The following RBFOX1 variants were observed in gnomAD, a reference collection of about 807,000 sequenced individuals.
The protein encoded by RBFOX1 is RNA binding protein fox-1 homolog 1.
In RBFOX1, 8 loss-of-function variants were observed where a neutral mutation model predicts 57.7. That is an observed-to-expected ratio of 0.14 (90% confidence interval 0.08 to 0.25). RBFOX1 has a LOEUF of 0.25. Among genes scored for constraint, RBFOX1 ranks in the 10% least tolerant of loss-of-function variants. The pLI is 1.00. For synonymous variants in RBFOX1, 326 were observed against 222.4 expected (o/e 1.47, Z -4.15); for missense variants, 611 against 548.5 (o/e 1.11, Z -1.14).
intron 2 of RBFOX1, among the ~76,000 whole-genome samples, chr16:6,345,137 C>T (rs2085173528): frequency 6.6e-6 from 1 of 152,176 alleles, no homozygotes; most frequent in Non-Finnish European, 1.5e-5. Context: ...TTGTTCTCTC[C>T]TAGGTAGACT....
At chr16:6,871,268 C>G (rs544115157) in intron 3 of RBFOX1, among the ~76,000 whole-genome samples, 3 of 152,154 alleles carry the variant, frequency 2.0e-5, no homozygotes, top group Admixed American at 6.5e-5. Flanking sequence ...TCACTCTAAC[C>G]TCCCCCTCCT....
chr16:5,389,060 A>G (rs9935179), intron 1 of RBFOX1, among the ~76,000 whole-genome samples: 93,942 of 150,558 alleles, frequency 0.62, 30,988 homozygotes, highest in African/African-American at 0.84. Flanking sequence ...GCGTGGTGGC[A>G]GGCCCCTGTA....
At chr16:6,575,772 G>A (rs12444800) in intron 2 of RBFOX1, among the ~76,000 whole-genome samples, 2 of 151,076 alleles carry the variant, frequency 1.3e-5, no homozygotes, top group Non-Finnish European at 2.9e-5. Context: ...CAGGAGAATC[G>A]CTTGAACCCA....
intron 3 of RBFOX1, among the ~76,000 whole-genome samples, chr16:5,748,273 C>T (rs539317612): frequency 6.6e-6 from 1 of 152,136 alleles, no homozygotes; most frequent in Non-Finnish European, 1.5e-5. Context: ...TTTACATTTG[C>T]TGAGGAGTGC....
intron 2 of RBFOX1, among the ~76,000 whole-genome samples, chr16:5,526,637 A>G (rs12443882): frequency 0.36 from 55,299 of 151,594 alleles, 11,511 homozygotes; most frequent in East Asian, 0.85. Context: ...TTTCCCAAGG[A>G]CACACAAGCA....
intron 2 of RBFOX1, among the ~76,000 whole-genome samples, chr16:6,569,381 C>G (rs937600710): frequency 6.6e-6 from 1 of 152,148 alleles, no homozygotes; most frequent in Non-Finnish European, 1.5e-5. Context: ...TCATGTGATG[C>G]TCATACCAGA....
At chr16:6,133,840 C>G (rs903978088) in intron 1 of RBFOX1, among the ~76,000 whole-genome samples, 1 of 152,198 alleles carries the variant, frequency 6.6e-6, no homozygotes, top group Non-Finnish European at 1.5e-5. Flanking sequence ...AGTACACACA[C>G]ACACACGTTT....
At chr16:5,514,218 C>T (rs2043707320) in intron 2 of RBFOX1, among the ~76,000 whole-genome samples, 1 of 152,148 alleles carries the variant, frequency 6.6e-6, no homozygotes, top group Non-Finnish European at 1.5e-5. Flanking sequence ...TCTCGTATGT[C>T]TGAGGGTCTA....
At chr16:7,135,896 A>G (rs189373894) in intron 4 of RBFOX1, among the ~76,000 whole-genome samples, 1 of 152,220 alleles carries the variant, frequency 6.6e-6, no homozygotes, top group Admixed American at 6.5e-5. Context: ...TCTATTTTGC[A>G]TCTGGCACAC....
intron 1 of RBFOX1, among the ~76,000 whole-genome samples, chr16:6,235,550 GTGTA>G (rs1265160695): frequency 2.0e-4 from 19 of 94,110 alleles, no homozygotes; most frequent in South Asian, 5.4e-4. Context: ...GTGTGTGTGC[GTGTA>G]TGTATGTGTG....
chr16:7,622,647 C>A (rs1331400412), intron 10 of RBFOX1, among the ~76,000 whole-genome samples: 1 of 151,580 alleles, frequency 6.6e-6, no homozygotes, highest in Non-Finnish European at 1.5e-5. Context: ...TTATGAAAAC[C>A]AAAGCTTATG....
At chr16:5,295,390 G>A (rs2063641178) in intron 1 of RBFOX1, among the ~76,000 whole-genome samples, 1 of 152,198 alleles carries the variant, frequency 6.6e-6, no homozygotes, top group Admixed American at 6.5e-5. Flanking sequence ...GCTTGAGACA[G>A]CACACAGTTA....
intron 2 of RBFOX1, among the ~76,000 whole-genome samples, chr16:6,488,401 A>C (rs1567408404): frequency 6.6e-6 from 1 of 152,194 alleles, no homozygotes; most frequent in Non-Finnish European, 1.5e-5. Context: ...AACAGCAGTA[A>C]CAATACAATG....
intron 3 of RBFOX1, among the ~76,000 whole-genome samples, chr16:7,022,132 C>T (rs1047089626): frequency 1.4e-5 from 2 of 146,154 alleles, no homozygotes; most frequent in Non-Finnish European, 3.0e-5. Flanking sequence ...GAGCAATCTC[C>T]ACTCACTGCA....
intron 2 of RBFOX1, among the ~76,000 whole-genome samples, chr16:6,361,650 G>C (rs984907622): frequency 6.7e-6 from 1 of 149,680 alleles, no homozygotes; most frequent in Non-Finnish European, 1.5e-5. Context: ...AAAAAATCAT[G>C]GTCAATCATT....
chr16:5,241,682 C>T (rs1214999871), intron 1 of RBFOX1, among the ~76,000 whole-genome samples: 1 of 152,138 alleles, frequency 6.6e-6, no homozygotes, highest in African/African-American at 2.4e-5. Flanking sequence ...AAGGGAAGCT[C>T]GTCCATAGAA....
At chr16:5,606,125 C>T (rs1323588923) in intron 3 of RBFOX1, among the ~76,000 whole-genome samples, 6 of 152,158 alleles carry the variant, frequency 3.9e-5, no homozygotes, top group Non-Finnish European at 8.8e-5. Flanking sequence ...CTCCTCCTTT[C>T]TGACATATTT....
rs146204746 is a variant in RBFOX1, at chr16:6,913,075, A to G, written c.-15-138982A>G. On this transcript the variant is annotated intron_variant, in intron 3 of 15. Transcript: ENST00000550418. ...AAAGAACTTGGAAAGGGCCCCAGGC[A>G]GGAAAACCATTATGGAAGCAACGTC... Among the ~76,000 whole-genome samples the G allele has an allele frequency of 9.9e-3, 1,505 of 152,296 alleles. 29 individuals are homozygous for G. The highest frequency in any genetic ancestry group is 0.034 in the African/African-American group (1,432 of 41,554).
At chr16:6,897,621 A>G (rs890598075) in intron 3 of RBFOX1, among the ~76,000 whole-genome samples, 46 of 152,170 alleles carry the variant, frequency 3.0e-4, no homozygotes, top group African/African-American at 1.1e-3. Context: ...GTGAAACCCC[A>G]TCTCTATTAA....
Sources: allele counts gnomAD v4.1 joint callset (sites outside exome capture counted in the v4.1 genomes callset), GRCh38; gene constraint gnomAD v4.1.1; transcripts MANE v1.5; gene names NCBI Gene and HGNC (gene_info 2026-07-23, HGNC 2026-07-21).